LIMCH1: variants seen among roughly 807,000 people sequenced by gnomAD.
LIMCH1 encodes LIM and calponin homology domains 1.
Under a neutral mutation model 176.5 loss-of-function variants are expected in LIMCH1, and 113 were observed. The observed-to-expected ratio is 0.64, with a 90% CI of 0.55 to 0.75. The LOEUF (loss-of-function observed/expected upper bound fraction) is 0.75. LIMCH1 is among the 30% of genes least tolerant of loss of function. The probability of loss-of-function intolerance (pLI) is 0.00; values close to 1 mark genes in which losing one functional copy is unlikely to be tolerated. For synonymous variants in LIMCH1, 619 were observed against 645.9 expected (o/e 0.96, Z 0.63); for missense variants, 1,674 against 1,814.9 (o/e 0.92, Z 1.41).
chr4:41,390,570 A>G (rs1377459727), intron 1 of LIMCH1, among the ~76,000 whole-genome samples: 2 of 152,218 alleles, frequency 1.3e-5, no homozygotes, highest in Non-Finnish European at 1.5e-5. Flanking sequence ...TTGAATTTCA[A>G]AAGAATAACA....
At chr4:41,528,026 T>C (rs2076864712) in intron 3 of LIMCH1, among the ~76,000 whole-genome samples, 1 of 152,064 alleles carries the variant, frequency 6.6e-6, no homozygotes, top group African/African-American at 2.4e-5. Flanking sequence ...ATTCTCTCAG[T>C]GTTGGATTTC....
chr4:41,632,533 A>G (rs1232462829), intron 10 of LIMCH1, among the ~76,000 whole-genome samples: 1 of 152,174 alleles, frequency 6.6e-6, no homozygotes, highest in Non-Finnish European at 1.5e-5. Flanking sequence ...TCTTGTGGTG[A>G]CAGAGTCACA....
At chr4:41,672,175 A>C (rs1191068540) in intron 22 of LIMCH1, among the ~76,000 whole-genome samples, 3 of 151,994 alleles carry the variant, frequency 2.0e-5, no homozygotes, top group African/African-American at 7.3e-5. Context: ...TTCGAGACCA[A>C]CCTAGCCAAC....
intron 1 of LIMCH1, among the ~76,000 whole-genome samples, chr4:41,383,984 G>T (rs1460649093): frequency 6.6e-6 from 1 of 152,272 alleles, no homozygotes; most frequent in East Asian, 1.9e-4. Flanking sequence ...AAGGCAAGAG[G>T]AATTTTCAAG....
At chr4:41,376,864 C>G (rs983257105) in intron 1 of LIMCH1, among the ~76,000 whole-genome samples, 1 of 152,066 alleles carries the variant, frequency 6.6e-6, no homozygotes, top group Non-Finnish European at 1.5e-5. Flanking sequence ...TGGAAATGTT[C>G]TGGAATTGGA....
chr4:41,673,687 A>G (rs2095125202), intron 22 of LIMCH1, among the ~76,000 whole-genome samples: 1 of 152,132 alleles, frequency 6.6e-6, no homozygotes, highest in African/African-American at 2.4e-5. Context: ...AAGGGATTCC[A>G]TTCATTTATT....
chr4:41,468,951 C>T (rs1488342101), intron 1 of LIMCH1, among the ~76,000 whole-genome samples: 2 of 152,118 alleles, frequency 1.3e-5, no homozygotes, highest in Non-Finnish European at 2.9e-5. Context: ...AAGTGTTTAT[C>T]CTGATAATTT....
chr4:41,505,250 C>G (rs551644700), intron 2 of LIMCH1, among the ~76,000 whole-genome samples: 14 of 152,284 alleles, frequency 9.2e-5, no homozygotes, highest in African/African-American at 3.4e-4. Context: ...CCCTGTACCA[C>G]TGGCTGTTCT....
At chr4:41,567,909 C>A (rs1429862563) in intron 1 of LIMCH1, among the ~76,000 whole-genome samples, 1 of 152,152 alleles carries the variant, frequency 6.6e-6, no homozygotes, top group Non-Finnish European at 1.5e-5. Context: ...AATCCCAGCA[C>A]TCTGGGATGC....
chr4:41,505,134 C>G (rs760679697), intron 2 of LIMCH1, among the ~76,000 whole-genome samples: 1 of 152,146 alleles, frequency 6.6e-6, no homozygotes. Flanking sequence ...AACTTTCCCC[C>G]GTTCGTCTAT....
intron 1 of LIMCH1, among the ~76,000 whole-genome samples, chr4:41,366,437 T>C (rs1213805461): frequency 2.0e-5 from 3 of 152,206 alleles, no homozygotes; most frequent in Non-Finnish European, 4.4e-5. Flanking sequence ...TACAATTTTA[T>C]AATAGAACAC....
chr4:41,638,311 T>C (rs2093683514), intron 13 of LIMCH1, among the ~76,000 whole-genome samples: 1 of 152,082 alleles, frequency 6.6e-6, no homozygotes, highest in African/African-American at 2.4e-5. Flanking sequence ...AGTTATGGAG[T>C]ATCATTCAAG....
intron 1 of LIMCH1, among the ~76,000 whole-genome samples, chr4:41,567,413 T>G (rs2082918904): frequency 6.6e-6 from 1 of 152,228 alleles, no homozygotes; most frequent in Non-Finnish European, 1.5e-5. Context: ...TTTTTAACTT[T>G]TGACTTGCTC....
At chr4:41,674,401 G>A (rs1250783775) in intron 22 of LIMCH1, among the ~76,000 whole-genome samples, 11 of 152,232 alleles carry the variant, frequency 7.2e-5, no homozygotes, top group Admixed American at 7.2e-4. Context: ...AAGAGCTTCT[G>A]AATGTTTAAA....
chr4:41,514,005 T>TAAAAAAAAAAAAAAAAA (rs71198665), intron 2 of LIMCH1, among the ~76,000 whole-genome samples: 1 of 48,526 alleles, frequency 2.1e-5, no homozygotes, highest in Non-Finnish European at 3.9e-5. Context: ...GACTCCGTCT[T>TAAAAAAAAAAAAAAAAA]AAAAAAAAAA....
At chr4:41,362,463 A>T (rs770380919) in intron 1 of LIMCH1, among the ~76,000 whole-genome samples, 2 of 152,214 alleles carry the variant, frequency 1.3e-5, no homozygotes, top group African/African-American at 4.8e-5. Flanking sequence ...GCAGAGTTGG[A>T]TAACTATTTT....
At chr4:41,548,888 G>GT (rs1453860807) in intron 1 of LIMCH1, among the ~76,000 whole-genome samples, 2 of 152,160 alleles carry the variant, frequency 1.3e-5, no homozygotes, top group Non-Finnish European at 2.9e-5. Flanking sequence ...CTGGGTTGCA[G>GT]TGCTGGCTCT....
chr4:41,602,558 T>C (rs1469182472), intron 2 of LIMCH1, among the ~76,000 whole-genome samples: 6 of 152,090 alleles, frequency 3.9e-5, no homozygotes, highest in Non-Finnish European at 8.8e-5. Flanking sequence ...CTTTCTTAAA[T>C]TAAAAACCCT....
intron 1 of LIMCH1, among the ~76,000 whole-genome samples, chr4:41,460,458 C>CTCTATATA (rs372751468): frequency 9.0e-6 from 1 of 110,546 alleles, no homozygotes; most frequent in African/African-American, 4.0e-5. Context: ...TAGTAATCAT[C>CTCTATATA]TATATATATA....
Sources: allele counts gnomAD v4.1 joint callset (sites outside exome capture counted in the v4.1 genomes callset), GRCh38; gene constraint gnomAD v4.1.1; transcripts MANE v1.5; gene names NCBI Gene and HGNC (gene_info 2026-07-23, HGNC 2026-07-21).